FRYL: variants seen among roughly 807,000 people sequenced by gnomAD.
The protein encoded by FRYL is protein furry homolog-like.
In FRYL, 150 loss-of-function variants were observed where a neutral mutation model predicts 351.2. That is an observed-to-expected ratio of 0.43 (90% CI 0.37 to 0.49). FRYL has a LOEUF of 0.49. Among genes scored for constraint, FRYL ranks in the 20% least tolerant of loss-of-function variants. The pLI is 0.00. For missense variants in FRYL, 3,036 were observed against 3,619.3 expected (o/e 0.84, Z 4.13); for synonymous variants, 1,153 against 1,257.1 (o/e 0.92, Z 1.75).
chr4:48,512,757 GA>G, intron 56 of FRYL, 69 bp from the exon 57 acceptor site: 1 of 1,116,834 alleles, frequency 9.0e-7, no homozygotes, highest in Non-Finnish European at 1.3e-6. Context: ...AATCACGTAA[GA>G]CAGCTTAAGT....
In FRYL at chr4:48,580,933, T is replaced by C; in HGVS notation, c.2191A>G (p.Ile731Val). ...EIPKGDDELA[I>V]DVMDRLSPSI... ...GGGCTTAGCCTGTCCATCACATCTA[T>C]GGCTAATTCATCATCACCCTGTAAA... The change falls in exon 22 of 64, where the codon ATA (isoleucine) becomes GTA (valine). Residue 731 changes from isoleucine (I) to valine (V), a missense_variant. Transcript: ENST00000358350. 1.9e-6 allele frequency: 3 copies of C among 1,597,984 alleles called. No individual in the cohort carries two copies. Among genetic ancestry groups the C allele is most frequent in the South Asian group, 1.1e-5 (1 of 87,992 alleles).
At chr4:48,765,076 C>T (rs1325082439) in intron 1 of FRYL, among the ~76,000 whole-genome samples, 1 of 152,174 alleles carries the variant, frequency 6.6e-6, no homozygotes, top group Non-Finnish European at 1.5e-5. Context: ...AACTCCTGAC[C>T]TAGTGATCCC....
intron 3 of FRYL, among the ~76,000 whole-genome samples, chr4:48,655,830 TTATA>T (rs957648307): frequency 7.0e-6 from 1 of 143,800 alleles, no homozygotes; most frequent in Non-Finnish European, 1.5e-5. Flanking sequence ...AATTATATAA[TTATA>T]TATACTATAT....
chr4:48,516,778 A>C (rs1723712782), intron 55 of FRYL, among the ~76,000 whole-genome samples: 1 of 152,192 alleles, frequency 6.6e-6, no homozygotes, highest in Non-Finnish European at 1.5e-5. Context: ...AATGACAATA[A>C]CATATACCAG....
intron 2 of FRYL, among the ~76,000 whole-genome samples, chr4:48,687,500 G>C (rs1373467218): frequency 1.5e-5 from 2 of 129,308 alleles, no homozygotes; most frequent in African/African-American, 2.9e-5. Flanking sequence ...GTCGGGGGGG[G>C]GGGGGGTGAG....
chr4:48,560,717 C>G (rs1735307421), intron 33 of FRYL, among the ~76,000 whole-genome samples: 1 of 152,178 alleles, frequency 6.6e-6, no homozygotes. Context: ...ACTACCAGGG[C>G]AAACCAAACA....
chr4:48,739,226 C>T (rs2149643210), intron 1 of FRYL, among the ~76,000 whole-genome samples: 1 of 151,968 alleles, frequency 6.6e-6, no homozygotes, highest in East Asian at 1.9e-4. Context: ...CATGGCAAAA[C>T]CCCATCTCAA....
chr4:48,757,914 C>A (rs1166495752), intron 1 of FRYL, among the ~76,000 whole-genome samples: 1 of 152,062 alleles, frequency 6.6e-6, no homozygotes, highest in Non-Finnish European at 1.5e-5. Context: ...CAGAACAGAG[C>A]CCTTAGAAAT....
chr4:48,557,108 T>G lies in FRYL; in HGVS notation c.4136A>C (p.Glu1379Ala), dbSNP rs1734277894. The G allele has an allele frequency of 6.3e-7, 1 of 1,589,426 alleles. No individual in the cohort carries two copies. The highest frequency in any genetic ancestry group is 8.6e-7 in the Non-Finnish European group (1 of 1,165,548). The stretch of plus-strand genomic sequence containing the variant: ...ATTCTCCACCTCCGACCAGGCCAGT[T>G]CATCGCCATACTAGATGCAATATGC... ...LMYMTAKYGDELAWSEVENVW... is the reference protein window; with the variant it reads ...LMYMTAKYGDALAWSEVENVW... The change falls in exon 35 of 64, where the codon GAA (glutamate) becomes GCA (alanine). Residue 1379 changes from glutamate to alanine, a missense_variant. Glu to Ala is a moderately radical substitution (Grantham distance 107). Coordinates refer to ENST00000358350, the MANE Select transcript of FRYL (RefSeq NM_015030.2).
chr4:48,615,115 C>T (rs1268275896), intron 7 of FRYL, among the ~76,000 whole-genome samples: 1 of 152,112 alleles, frequency 6.6e-6, no homozygotes, highest in Non-Finnish European at 1.5e-5. Flanking sequence ...CGTGAGCCAC[C>T]GCGCCCGGCC....
rs1369813389 is a variant in FRYL at position 48,501,649 on chromosome 4, C to G, written c.8566G>C (p.Val2856Leu). The change falls in exon 62 of 64, where the codon GTA (valine) becomes CTA (leucine). Residue 2856 changes from valine (V) to leucine (L), a missense_variant. Val to Leu is a conservative substitution (Grantham distance 32). This residue lies in a region of FRYL where 1,987 missense variants were observed against 2,311.7 expected (regional missense o/e 0.86). Coordinates refer to ENST00000358350, the MANE Select transcript of FRYL (RefSeq NM_015030.2). ...TCTGCTTCATTTTTTATCGTATTTA[C>G]TTGGTTGATAAGTTTACAGTAGGCC... ...FQAYCKLINQ[V>L]NTIKNEAEVI... The G allele has an allele frequency of 3.1e-6, 5 of 1,600,988 alleles. No homozygotes were observed. In the African/African-American group the frequency reaches 5.4e-5, roughly 17 times the overall value.
In FRYL at chr4:48,747,854, T is replaced by C. The variant is rs116634786; in HGVS notation, c.-384+32224A>G. On this transcript the variant is annotated intron_variant, in intron 1 of 63. Transcript: ENST00000358350. ...CATGAAAATTTACTCATAAATTCCA[T>C]GCTTATAAAAAAGGGATAATAAAAG... is the stretch of plus-strand genomic sequence containing the variant. Among the ~76,000 whole-genome samples, 672 of 152,332 alleles carry C rather than the reference T, an allele frequency of 4.4e-3. 8 individuals are homozygous for C. The highest frequency in any genetic ancestry group is 0.015 in the African/African-American group (607 of 41,586).
chr4:48,593,642 G>C (rs969346872), intron 16 of FRYL, among the ~76,000 whole-genome samples: 7 of 152,146 alleles, frequency 4.6e-5, no homozygotes, highest in African/African-American at 1.4e-4. Flanking sequence ...GGGATTACAG[G>C]CATGAGCCAC....
At chr4:48,682,202 T>C (rs1376496238) in intron 3 of FRYL, among the ~76,000 whole-genome samples, 6 of 152,182 alleles carry the variant, frequency 3.9e-5, no homozygotes, top group Non-Finnish European at 7.4e-5. Flanking sequence ...ATGATTTGCA[T>C]AGTATTTCAA....
intron 36 of FRYL, among the ~76,000 whole-genome samples, chr4:48,551,853 A>G (rs1239338651): frequency 1.3e-5 from 2 of 152,220 alleles, no homozygotes; most frequent in African/African-American, 4.8e-5. Context: ...CCATGTTTAT[A>G]TTGCTGAACT....
chr4:48,693,567 A>C (rs1765860460), intron 2 of FRYL, among the ~76,000 whole-genome samples: 1 of 152,148 alleles, frequency 6.6e-6, no homozygotes, highest in African/African-American at 2.4e-5. Flanking sequence ...ATATTAAAAT[A>C]ACAATCATGG....
At chr4:48,501,556 G>C (rs1254091597) in intron 62 of FRYL, 67 bp downstream of exon 62, 1 of 850,244 alleles carries the variant, frequency 1.2e-6, no homozygotes, top group Non-Finnish European at 2.0e-6. Flanking sequence ...ATTTTAACAA[G>C]TAATAGATTT....
At chr4:48,629,497 T>A (rs564875618) in intron 4 of FRYL, among the ~76,000 whole-genome samples, 3 of 152,292 alleles carry the variant, frequency 2.0e-5, no homozygotes, top group Non-Finnish European at 4.4e-5. Context: ...AATTATTTAC[T>A]GGGTTCACAG....
chr4:48,722,136 A>G (rs1364336906), intron 1 of FRYL, among the ~76,000 whole-genome samples: 1 of 152,174 alleles, frequency 6.6e-6, no homozygotes, highest in East Asian at 1.9e-4. Flanking sequence ...TTTTAATCAA[A>G]CTTTACCCGA....
Sources: allele counts gnomAD v4.1 joint callset (sites outside exome capture counted in the v4.1 genomes callset), GRCh38; gene constraint gnomAD v4.1.1; regional missense constraint gnomAD v4.1.1; transcripts MANE v1.5; gene names NCBI Gene and HGNC (gene_info 2026-07-23, HGNC 2026-07-21).